KAZN: variants seen among roughly 807,000 people sequenced by gnomAD.
KAZN encodes kazrin.
Under a neutral mutation model 87.4 loss-of-function variants are expected in KAZN, and 40 were observed. The observed-to-expected ratio is 0.46, with a 90% CI of 0.36 to 0.60. KAZN has a LOEUF of 0.60. KAZN is among the 20% of genes least tolerant of loss of function. The pLI, the probability that KAZN is intolerant of heterozygous loss-of-function variation, is 0.00. For missense variants in KAZN, 898 were observed against 1,073.9 expected (o/e 0.84, Z 2.29); for synonymous variants, 466 against 458.3 (o/e 1.02, Z -0.22).
chr1:14,724,055 C>T (rs1643257813), intron 1 of KAZN, among the ~76,000 whole-genome samples: 1 of 152,166 alleles, frequency 6.6e-6, no homozygotes, highest in Non-Finnish European at 1.5e-5. Context: ...GAGTACGTTT[C>T]ATTTTTACAA....
At chr1:14,915,684 C>G (rs1454106252) in intron 1 of KAZN, among the ~76,000 whole-genome samples, 2 of 152,204 alleles carry the variant, frequency 1.3e-5, no homozygotes. Context: ...GAGGCAGTTT[C>G]GCAGAGGATA....
At chr1:14,457,166 T>C (rs114235500) in intron 2 of KAZN, among the ~76,000 whole-genome samples, 3,880 of 152,346 alleles carry the variant, frequency 0.025, 81 homozygotes, top group Non-Finnish European at 0.036. Context: ...AAGTGGTTCA[T>C]GAGGCTTCAC....
chr1:14,169,485 C>T lies in KAZN; in HGVS notation c.92-10950C>T, dbSNP rs141710430. 3.3e-4 allele frequency among the ~76,000 whole-genome samples: 51 copies of T among 152,250 alleles called. No individual in the cohort carries two copies. In the East Asian group the frequency reaches 9.5e-3, roughly 28 times the overall value. ...CCTACCTCTGGACAGTTTGGTGGTGCCCAATCAACTGGAGTGGAGTGAAGA... is the reference window on the plus strand; with the variant it reads ...CCTACCTCTGGACAGTTTGGTGGTGTCCAATCAACTGGAGTGGAGTGAAGA... On this transcript the variant is annotated intron_variant, in intron 1 of 16. Transcript: ENST00000636203.
At chr1:14,102,990 C>G (rs1644292653) in intron 1 of KAZN, among the ~76,000 whole-genome samples, 2 of 151,292 alleles carry the variant, frequency 1.3e-5, no homozygotes, top group East Asian at 2.0e-4. Flanking sequence ...CTCACTGCAA[C>G]TTCTGCCTCC....
intron 5 of KAZN, 67 bp from the exon 6 acceptor site, chr1:15,060,105 C>G: frequency 6.3e-7 from 1 of 1,590,852 alleles, no homozygotes; most frequent in Non-Finnish European, 8.6e-7. Context: ...GGTGGAATAA[C>G]CGCCAAGGCA....
chr1:14,749,181 C>T (rs1405043068), intron 1 of KAZN, among the ~76,000 whole-genome samples: 1 of 152,188 alleles, frequency 6.6e-6, no homozygotes, highest in South Asian at 2.1e-4. Flanking sequence ...CTCACATCCA[C>T]TGAGACCTGT....
At chr1:14,089,218 G>A (rs1204577374) in intron 1 of KAZN, among the ~76,000 whole-genome samples, 1 of 151,902 alleles carries the variant, frequency 6.6e-6, no homozygotes, top group Non-Finnish European at 1.5e-5. Context: ...GAATGTAGAT[G>A]GGTCTTGCCG....
chr1:15,048,627 C>CGGTCCTGGGTCGTTGGTCCTGGGTCGTT (rs1557754248), intron 4 of KAZN, among the ~76,000 whole-genome samples: 3 of 96,146 alleles, frequency 3.1e-5, no homozygotes, highest in African/African-American at 1.3e-4. Context: ...CCTGGGTCGT[C>CGGTCCTGGGTCGTTGGTCCTGGGTCGTT]GGTCCTGGGT....
intron 2 of KAZN, among the ~76,000 whole-genome samples, chr1:14,999,508 G>T (rs867767532): frequency 3.7e-5 from 2 of 54,376 alleles, no homozygotes; most frequent in Admixed American, 1.8e-4. Flanking sequence ...CCCTCCCCCC[G>T]CCCCGCCATC....
intron 2 of KAZN, among the ~76,000 whole-genome samples, chr1:14,295,138 G>A (rs1249578773): frequency 6.6e-6 from 1 of 152,096 alleles, no homozygotes; most frequent in Non-Finnish European, 1.5e-5. Flanking sequence ...GGACAAATAT[G>A]TATCAGATGG....
chr1:14,292,003 C>T (rs1429719672), intron 2 of KAZN, among the ~76,000 whole-genome samples: 1 of 152,078 alleles, frequency 6.6e-6, no homozygotes, highest in Admixed American at 6.6e-5. Flanking sequence ...ATAAATTACC[C>T]AGTCTCGGGT....
chr1:15,003,057 C>T (rs540707039), intron 2 of KAZN, among the ~76,000 whole-genome samples: 2 of 151,866 alleles, frequency 1.3e-5, no homozygotes, highest in East Asian at 1.9e-4. Flanking sequence ...TTCTTTTATC[C>T]TCAGGCGACA....
chr1:14,372,004 T>G (rs1002192316), intron 2 of KAZN, among the ~76,000 whole-genome samples: 6 of 152,244 alleles, frequency 3.9e-5, no homozygotes, highest in African/African-American at 1.4e-4. Flanking sequence ...GAAGAATCAC[T>G]TAGTCATGTG....
At chr1:14,055,488 G>A (rs1383388341) in intron 1 of KAZN, among the ~76,000 whole-genome samples, 1 of 152,218 alleles carries the variant, frequency 6.6e-6, no homozygotes, top group Non-Finnish European at 1.5e-5. Flanking sequence ...AGAAAGCTTT[G>A]ATTGCCCAAG....
intron 2 of KAZN, among the ~76,000 whole-genome samples, chr1:14,995,606 A>G (rs1445983649): frequency 6.6e-6 from 1 of 151,352 alleles, no homozygotes; most frequent in Non-Finnish European, 1.5e-5. Context: ...CCTGGGCGAC[A>G]GAGTGAGACT....
intron 1 of KAZN, among the ~76,000 whole-genome samples, chr1:14,091,124 A>G (rs1643980681): frequency 6.6e-6 from 1 of 151,078 alleles, no homozygotes; most frequent in African/African-American, 2.5e-5. Flanking sequence ...AAAAAAAAAA[A>G]AAAAAAAAAG....
chr1:14,359,402 G>A (rs535275950), intron 2 of KAZN, among the ~76,000 whole-genome samples: 12 of 152,244 alleles, frequency 7.9e-5, no homozygotes, highest in African/African-American at 2.9e-4. Context: ...TTGCCAGTCT[G>A]TGTCTTTTAA....
chr1:14,557,547 T>C (rs1673960344), intron 2 of KAZN, among the ~76,000 whole-genome samples: 1 of 151,854 alleles, frequency 6.6e-6, no homozygotes, highest in Non-Finnish European at 1.5e-5. Flanking sequence ...ATAAAAAATA[T>C]AAAAGTTAGT....
At position 14,049,265 on chromosome 1, in the gene KAZN, A is replaced by G. The variant is rs535540470; in HGVS notation, c.92-131170A>G. On this transcript the variant is annotated intron_variant, in intron 1 of 16. Transcript: ENST00000636203. ...CTCACTCATAGGTGGGAATTGAACA[A>G]TGAGAACACATGGACACAAGAAGGG... 4.6e-3 allele frequency among the ~76,000 whole-genome samples: 691 copies of G among 151,580 alleles called. 4 individuals carry two copies. Among genetic ancestry groups the G allele is most frequent in the African/African-American group, 0.016 (658 of 41,162 alleles).
Sources: allele counts gnomAD v4.1 joint callset (sites outside exome capture counted in the v4.1 genomes callset), GRCh38; gene constraint gnomAD v4.1.1; transcripts MANE v1.5; gene names NCBI Gene and HGNC (gene_info 2026-07-23, HGNC 2026-07-21).